Variants in CYP20A1 observed in about 807,000 individuals in gnomAD.
CYP20A1 encodes cytochrome P450 20A1.
Under a neutral mutation model 61.4 loss-of-function variants are expected in CYP20A1, and 61 were observed. That is an observed-to-expected ratio of 0.99 (90% confidence interval 0.81 to 1.23). The LOEUF (loss-of-function observed/expected upper bound fraction) is 1.23, where lower values mean the gene tolerates loss of function less well. CYP20A1 is among the 50% of genes most tolerant of loss of function. CYP20A1 has a pLI of 0.00. For synonymous variants in CYP20A1, 193 were observed against 188.2 expected (o/e 1.03, Z -0.21); for missense variants, 530 against 542.4 (o/e 0.98, Z 0.23).
intron 11 of CYP20A1, among the ~76,000 whole-genome samples, chr2:203,294,540 T>A (rs2068690170): frequency 6.6e-6 from 1 of 151,884 alleles, no homozygotes; most frequent in African/African-American, 2.4e-5. Context: ...AAAAATAAAA[T>A]AAAAAATAAT....
At chr2:203,270,123 G>C (rs2067501840) in intron 5 of CYP20A1, among the ~76,000 whole-genome samples, 1 of 152,006 alleles carries the variant, frequency 6.6e-6, no homozygotes, top group Non-Finnish European at 1.5e-5. Context: ...TGCTGCATGT[G>C]GTAGTACATT....
At chr2:203,272,543 C>G in intron 5 of CYP20A1, 127 bp from the exon 6 acceptor site, 2 of 422,742 alleles carry the variant, frequency 4.7e-6, no homozygotes, top group South Asian at 7.1e-5. Flanking sequence ...GAGCCGGAAC[C>G]CTGACTCAAA....
intron 8 of CYP20A1, among the ~76,000 whole-genome samples, chr2:203,283,026 G>A (rs751766173): frequency 6.6e-6 from 1 of 151,834 alleles, no homozygotes; most frequent in Non-Finnish European, 1.5e-5. Context: ...ATAAATTGTA[G>A]TTAGCTGTGC....
Position 203,293,214 on chromosome 2 carries a change from C to CTTTTTTTTTTTTTTT in CYP20A1, c.1148+889_1148+890insTTTTTTTTTTTTTTT, listed in dbSNP as rs575058733. On this transcript the variant is annotated intron_variant, in intron 11 of 12. Transcript: ENST00000356079. Reference sequence around the variant, plus strand: ...ATTTTTAAAAAAGCAGAATTTCTCTCTCTTTTTTTTTTTTTTTTTGAGATG... The same window carrying CTTTTTTTTTTTTTTT: ...ATTTTTAAAAAAGCAGAATTTCTCTCTTTTTTTTTTTTTTTTCTTTTTTTTTTTTTTTTTGAGATG... 7.8e-5 allele frequency among the ~76,000 whole-genome samples: 10 copies of CTTTTTTTTTTTTTTT among 128,910 alleles called. 5 individuals carry two copies. Among genetic ancestry groups the CTTTTTTTTTTTTTTT allele is most frequent in the Non-Finnish European group, 1.6e-4 (10 of 62,470 alleles). The allele number at this position is 128,910 out of a possible 152,430, so 84.6% of individuals were successfully genotyped here.
In CYP20A1 at chr2:203,278,682, C is replaced by T. The variant is rs1308911722; in HGVS notation, c.789C>T (p.Asp263=). Residue 263 remains aspartate (D), a synonymous_variant, in exon 7 of 13, where the codon GAC becomes GAT. Transcript: ENST00000356079. The stretch of plus-strand genomic sequence containing the variant: ...CCTTAGTACAAGGGAACCTTAATGA[C>T]CAACAGGTGATATAATTGTTAAATG... ...IDSLVQGNLN[D]QQILEDSMIF... 6.7e-7 allele frequency: 1 copy of T among 1,503,394 alleles called. No homozygotes were observed. Among genetic ancestry groups the T allele is most frequent in the African/African-American group, 1.4e-5 (1 of 71,330 alleles). The allele number at this position is 1,503,394 out of a possible 1,614,324, so 93.1% of individuals were successfully genotyped here. A position where few individuals can be genotyped will look rare whatever the true frequency, so the allele number is the denominator to read the frequency against.
chr2:203,305,194 C>CTT lies in CYP20A1; in HGVS notation c.*8310_*8311dup, dbSNP rs11304494. Among the ~76,000 whole-genome samples the CTT allele has an allele frequency of 2.2e-3, 125 of 56,868 alleles. No homozygotes were observed. Among genetic ancestry groups the CTT allele is most frequent in the East Asian group, 7.6e-3 (13 of 1,704 alleles). 37.3% of individuals were successfully genotyped at this position (56,868 alleles called of 152,430 possible). A position where few individuals can be genotyped will look rare whatever the true frequency, so the allele number is the denominator to read the frequency against. ...AATTGGTTTACAGTTCGGTGGCTGT[C>CTT]TTTTTTTTTTTTTTTTTTTTTTTTT... On this transcript the variant is annotated 3_prime_UTR_variant, in exon 13 of 13. Coordinates refer to ENST00000356079, the MANE Select transcript of CYP20A1 (RefSeq NM_177538.3).
rs769489641 is a variant in CYP20A1, at chr2:203,239,070, A to G, written c.8A>G (p.Asp3Gly). 2 of 1,613,512 alleles carry G rather than the reference A, an allele frequency of 1.2e-6. No individual in the cohort carries two copies. Among genetic ancestry groups the G allele is most frequent in the South Asian group, 2.2e-5 (2 of 91,068 alleles). The change falls in exon 1 of 13, where the codon GAC becomes GGC. Residue 3 changes from aspartate to glycine, a missense_variant. By Grantham distance (94) the Asp-to-Gly change is moderately conservative. Coordinates refer to ENST00000356079, the MANE Select transcript of CYP20A1 (RefSeq NM_177538.3). ...TCCCTGGGCGGCAGAACCATGTTGGACTTCGCGATCTTCGCCGTTACCTTC... is the reference window on the plus strand; with the variant it reads ...TCCCTGGGCGGCAGAACCATGTTGGGCTTCGCGATCTTCGCCGTTACCTTC... The part of the protein sequence containing the change: ML[D>G]FAIFAVTFLL...
At chr2:203,288,425 T>C (rs1559106854) in intron 9 of CYP20A1, among the ~76,000 whole-genome samples, 1 of 152,088 alleles carries the variant, frequency 6.6e-6, no homozygotes, top group Non-Finnish European at 1.5e-5. Flanking sequence ...CTACCTTATA[T>C]TCCAGTAATA....
At chr2:203,281,067 T>C (rs2068023381) in intron 8 of CYP20A1, among the ~76,000 whole-genome samples, 1 of 152,218 alleles carries the variant, frequency 6.6e-6, no homozygotes, top group South Asian at 2.1e-4. Flanking sequence ...TTGAAGGTGA[T>C]TTTTATGTAA....
intron 1 of CYP20A1, among the ~76,000 whole-genome samples, chr2:203,239,596 A>G (rs1255786279): frequency 6.6e-6 from 1 of 152,014 alleles, no homozygotes; most frequent in Non-Finnish European, 1.5e-5. Flanking sequence ...CCTCTTTTCC[A>G]TCTGTCCATC....
intron 1 of CYP20A1, among the ~76,000 whole-genome samples, chr2:203,240,586 C>T (rs2066221839): frequency 6.6e-6 from 1 of 152,092 alleles, no homozygotes; most frequent in South Asian, 2.1e-4. Flanking sequence ...CCAGGAGATA[C>T]GGAGACATTT....
At position 203,292,905 on chromosome 2, in the gene CYP20A1, G is replaced by A. The variant is rs552543156; in HGVS notation, c.1148+579G>A. On this transcript the variant is annotated intron_variant, in intron 11 of 12. Coordinates refer to ENST00000356079, the MANE Select transcript of CYP20A1 (RefSeq NM_177538.3). ...AGAAAATTAAAGCAGGCCGGGCACC[G>A]TGGCTCATGCCTGTAATCCCAGCAC... Among the ~76,000 whole-genome samples the A allele has an allele frequency of 4.6e-5, 7 of 152,204 alleles. No homozygotes were observed. The East Asian group carries it at 7.8e-4, about 17-fold the overall frequency.
rs763764173 is a variant in CYP20A1 at position 203,301,914 on chromosome 2, CTTTTTTTT to C, written c.*5021_*5028del. On this transcript the variant is annotated 3_prime_UTR_variant, in exon 13 of 13. Coordinates refer to ENST00000356079, the MANE Select transcript of CYP20A1 (RefSeq NM_177538.3). The stretch of plus-strand genomic sequence containing the variant: ...TTTGAAGTTAACCACTGTTAAGATT[CTTTTTTTT>C]TTTTTTTTTTTTTTGTTTTGAGACT... Among the ~76,000 whole-genome samples the C allele has an allele frequency of 9.7e-6, 1 of 103,570 alleles. No individual in the cohort carries two copies. Among genetic ancestry groups the C allele is most frequent in the African/African-American group, 3.7e-5 (1 of 26,748 alleles). The allele number at this position is 103,570 out of a possible 152,430, so 67.9% of individuals were successfully genotyped here. A position where few individuals can be genotyped will look rare whatever the true frequency, so the allele number is the denominator to read the frequency against.
chr2:203,239,945 C>A (rs1313227954), intron 1 of CYP20A1, among the ~76,000 whole-genome samples: 3 of 152,054 alleles, frequency 2.0e-5, no homozygotes, highest in African/African-American at 7.2e-5. Flanking sequence ...AAAATACAAA[C>A]ATTAGCTGGC....
At chr2:203,254,862 G>A (rs967348169) in intron 4 of CYP20A1, among the ~76,000 whole-genome samples, 6 of 151,848 alleles carry the variant, frequency 4.0e-5, no homozygotes, top group East Asian at 3.9e-4. Context: ...GTGGTGGCAC[G>A]TGTCTGTAGT....
chr2:203,292,138 A>G (rs2068563607), intron 10 of CYP20A1, 124 bp from the exon 11 acceptor site: 7 of 547,308 alleles, frequency 1.3e-5, no homozygotes, highest in Non-Finnish European at 2.2e-5. Flanking sequence ...GGTTTCTTGC[A>G]TTATTTTTAA....
intron 5 of CYP20A1, 64 bp from the exon 6 acceptor site, chr2:203,272,606 G>T (rs1227022697): frequency 1.2e-6 from 1 of 840,450 alleles, no homozygotes; most frequent in Non-Finnish European, 1.8e-6. Flanking sequence ...AGGTTACATT[G>T]CTCTGTATTA....
intron 3 of CYP20A1, 67 bp from the exon 4 acceptor site, chr2:203,251,900 G>C (rs2066704234): frequency 8.0e-7 from 1 of 1,257,482 alleles, no homozygotes; most frequent in Non-Finnish European, 1.0e-6. Context: ...CTGATCTCTT[G>C]TTCTCTTACA....
At position 203,246,370 on chromosome 2, in the gene CYP20A1, G is replaced by A. The variant is rs562192877; in HGVS notation, c.123-385G>A. On this transcript the variant is annotated intron_variant, in intron 2 of 12. Coordinates refer to ENST00000356079, the MANE Select transcript of CYP20A1 (RefSeq NM_177538.3). Reference sequence around the variant, plus strand: ...CCCTTGCCAGAGAAAGCTGAAAAGAGGATTAAGATAGAAGGAAAGAAGGAA... The same window carrying A: ...CCCTTGCCAGAGAAAGCTGAAAAGAAGATTAAGATAGAAGGAAAGAAGGAA... Among the ~76,000 whole-genome samples, 103 of 152,218 alleles carry A rather than the reference G, an allele frequency of 6.8e-4. 1 individual carries two copies. The highest frequency in any genetic ancestry group is 2.1e-3 in the African/African-American group (88 of 41,532).
Sources: allele counts gnomAD v4.1 joint callset (sites outside exome capture counted in the v4.1 genomes callset), GRCh38; gene constraint gnomAD v4.1.1; transcripts MANE v1.5; gene names NCBI Gene and HGNC (gene_info 2026-07-23, HGNC 2026-07-21).